The following DGKH variants were observed in gnomAD, a reference collection of about 807,000 sequenced individuals.
DGKH encodes DAG kinase eta.
DGKH carries 90 observed loss-of-function variants against 159.3 expected under a neutral mutation model. The ratio of observed to expected loss-of-function variants is 0.57; its 90% CI spans 0.48 to 0.67. DGKH has a LOEUF of 0.67. Among genes scored for constraint, DGKH ranks in the 30% least tolerant of loss-of-function variants. The pLI, the probability that DGKH is intolerant of heterozygous loss-of-function variation, is 0.00. For missense variants in DGKH, 1,181 were observed against 1,506.1 expected, an observed-to-expected ratio of 0.78 and a Z score of 3.57; for synonymous variants, 536 against 553.8, an observed-to-expected ratio of 0.97 and a Z score of 0.45.
At chr13:42,139,605 T>C (rs951820543) in intron 3 of DGKH, among the ~76,000 whole-genome samples, 5 of 152,324 alleles carry the variant, frequency 3.3e-5, no homozygotes, top group African/African-American at 1.2e-4. Context: ...TCTAGTACTT[T>C]TTCTGTCCTA....
intron 7 of DGKH, among the ~76,000 whole-genome samples, chr13:42,160,692 G>C (rs555309814): frequency 6.6e-6 from 1 of 152,332 alleles, no homozygotes; most frequent in South Asian, 2.1e-4. Flanking sequence ...TGAGGAGGTC[G>C]TGGGTGTGAG....
intron 1 of DGKH, among the ~76,000 whole-genome samples, chr13:42,093,221 G>A (rs1161056181): frequency 2.0e-5 from 3 of 150,864 alleles, no homozygotes; most frequent in Non-Finnish European, 4.4e-5. Flanking sequence ...TCCAGCCTGG[G>A]CGTCAGAGCA....
rs542496571 is a variant in DGKH, at chr13:42,210,714, A to G, written c.2963A>G (p.Glu988Gly). The G allele has an allele frequency of 6.2e-7, 1 of 1,612,410 alleles. No individual in the cohort carries two copies. The highest frequency in any genetic ancestry group is 1.1e-5 in the South Asian group (1 of 91,004). The change falls in exon 24 of 30, where the codon GAG becomes GGG. Residue 988 changes from glutamate to glycine, a missense_variant. Physicochemically the swap from Glu to Gly is moderately conservative, Grantham distance 98. This residue lies in a region of DGKH where 335 missense variants were observed against 495.2 expected (regional missense o/e 0.68). Transcript: ENST00000337343. ...IHHAIDLATE[E>G]VSQMQLCSQA... ...CACGCCATTGACTTGGCAACAGAAG[A>G]GGTGTCGCAGATGCAGCTATGCTCC...
rs1285163731 is a variant in DGKH, at chr13:42,168,650, G to A, written c.1228-29G>A. The A allele has an allele frequency of 1.9e-6, 3 of 1,613,872 alleles. No homozygotes were observed. The African/African-American group carries it at 4.0e-5, about 22-fold the overall frequency. Reference sequence around the variant, plus strand: ...GTAGTCCCTATTTCTCAACTTGTCTGAAAGTCACCCTGTTGCACTGTCTTT... The same window carrying A: ...GTAGTCCCTATTTCTCAACTTGTCTAAAAGTCACCCTGTTGCACTGTCTTT... On this transcript the variant is annotated intron_variant, in intron 10 of 29. Transcript: ENST00000337343.
intron 29 of DGKH, 124 bp downstream of exon 29, chr13:42,221,518 A>G: frequency 7.9e-7 from 1 of 1,258,832 alleles, no homozygotes; most frequent in Non-Finnish European, 1.1e-6. Context: ...GTAACCTAAC[A>G]TTCACTGTCC....
intron 1 of DGKH, among the ~76,000 whole-genome samples, chr13:42,049,229 G>C (rs912502780): frequency 6.6e-6 from 1 of 151,718 alleles, no homozygotes; most frequent in Non-Finnish European, 1.5e-5. Context: ...GCGGTGCTGC[G>C]GGACGGATTC....
chr13:42,168,395 G>C, intron 9 of DGKH, 45 bp from the exon 10 acceptor site: 1 of 1,522,386 alleles, frequency 6.6e-7, no homozygotes, highest in Non-Finnish European at 9.0e-7. Context: ...TGAGGAAAGT[G>C]ATTTTTATTT....
chr13:42,207,099 T>TTC, intron 21 of DGKH, among the ~76,000 whole-genome samples: 1 of 139,692 alleles, frequency 7.2e-6, no homozygotes, highest in African/African-American at 2.7e-5. Context: ...CTTTCTTTCT[T>TTC]TCTTTCTTTC....
Position 42,184,008 on chromosome 13 carries a change from C to T in DGKH, c.1539-3041C>T, listed in dbSNP as rs79720966. ...GATAACTAGCTAGCAGGAATATTGACGCCATTGTCATAGAACCATAGAATT... is the reference window on the plus strand; with the variant it reads ...GATAACTAGCTAGCAGGAATATTGATGCCATTGTCATAGAACCATAGAATT... On this transcript the variant is annotated intron_variant, in intron 13 of 29. Transcript: ENST00000337343. Among the ~76,000 whole-genome samples the T allele has an allele frequency of 1.8e-3, 277 of 152,236 alleles. 4 individuals are homozygous for T. The East Asian group carries it at 0.043, about 24-fold the overall frequency.
At chr13:42,080,333 C>T (rs1954176380) in intron 1 of DGKH, among the ~76,000 whole-genome samples, 1 of 152,112 alleles carries the variant, frequency 6.6e-6, no homozygotes, top group South Asian at 2.1e-4. Flanking sequence ...AGTTTCGTAC[C>T]ATATAGGTGG....
intron 30 of DGKH, among the ~76,000 whole-genome samples, chr13:42,255,721 A>G (rs1958652351): frequency 6.6e-6 from 1 of 152,216 alleles, no homozygotes; most frequent in Admixed American, 6.5e-5. Flanking sequence ...ATGAGTTCCT[A>G]ATAAATAAAT....
intron 12 of DGKH, among the ~76,000 whole-genome samples, chr13:42,176,583 TA>T (rs1481659953): frequency 1.0e-5 from 1 of 99,294 alleles, no homozygotes; most frequent in Non-Finnish European, 2.6e-5. Flanking sequence ...AAGAGTAACA[TA>T]ACCACTTGTG....
intron 1 of DGKH, among the ~76,000 whole-genome samples, chr13:42,060,719 A>T (rs1312314921): frequency 6.6e-6 from 1 of 152,234 alleles, no homozygotes; most frequent in African/African-American, 2.4e-5. Flanking sequence ...GACCTCACTC[A>T]TAGTCAGTGG....
intron 5 of DGKH, among the ~76,000 whole-genome samples, chr13:42,159,041 A>G (rs1424329015): frequency 6.6e-6 from 1 of 152,040 alleles, no homozygotes; most frequent in Admixed American, 6.6e-5. Context: ...TCTAAGTAGC[A>G]GTCTACTTAT....
At chr13:42,122,471 G>A (rs1346030915) in intron 1 of DGKH, among the ~76,000 whole-genome samples, 1 of 152,138 alleles carries the variant, frequency 6.6e-6, no homozygotes, top group African/African-American at 2.4e-5. Flanking sequence ...TGCTAGCTCA[G>A]ATCTTTCTTT....
In DGKH at chr13:42,095,156, C is replaced by CTTTT. The variant is rs776422302; in HGVS notation, c.193-32286_193-32283dup. On this transcript the variant is annotated intron_variant, in intron 1 of 29. Transcript: ENST00000337343. ...GCAGCCGCTCAATAAATGTTGACTC[C>CTTTT]TTTTTTTTTTTTTTTTTTTTTTTTG... Among the ~76,000 whole-genome samples the CTTTT allele has an allele frequency of 6.4e-3, 494 of 76,796 alleles. 11 individuals carry two copies. Among genetic ancestry groups the CTTTT allele is most frequent in the African/African-American group, 7.9e-3 (144 of 18,282 alleles). 50.4% of individuals were successfully genotyped at this position (76,796 alleles called of 152,430 possible). A position where few individuals can be genotyped will look rare whatever the true frequency, so the allele number is the denominator to read the frequency against.
intron 1 of DGKH, among the ~76,000 whole-genome samples, chr13:42,125,010 C>A (rs978741738): frequency 6.6e-6 from 1 of 152,202 alleles, no homozygotes; most frequent in African/African-American, 2.4e-5. Flanking sequence ...GCTAGACCCT[C>A]CCCTAGTCTA....
intron 29 of DGKH, among the ~76,000 whole-genome samples, chr13:42,251,056 A>G (rs1594273904): frequency 6.6e-6 from 1 of 152,360 alleles, no homozygotes; most frequent in African/African-American, 2.4e-5. Context: ...AATTATCTTG[A>G]TACAGACTTT....
chr13:42,093,237 C>CT (rs1954455838), intron 1 of DGKH, among the ~76,000 whole-genome samples: 1 of 148,122 alleles, frequency 6.8e-6, no homozygotes, highest in Admixed American at 6.8e-5. Flanking sequence ...GAGCAAAACT[C>CT]TGTCTCCAAA....
Sources: allele counts gnomAD v4.1 joint callset (sites outside exome capture counted in the v4.1 genomes callset), GRCh38; gene constraint gnomAD v4.1.1; regional missense constraint gnomAD v4.1.1; transcripts MANE v1.5; gene names NCBI Gene and HGNC (gene_info 2026-07-23, HGNC 2026-07-21).